NEIL3: variants seen among roughly 807,000 people sequenced by gnomAD.
NEIL3 encodes the protein nei like DNA glycosylase 3.
Under a neutral mutation model 57.5 loss-of-function variants are expected in NEIL3, and 48 were observed. The observed-to-expected ratio is 0.83, with a 90% CI of 0.66 to 1.06. The LOEUF is 1.06. Ranked by LOEUF, NEIL3 falls within the 50% of genes least tolerant of loss-of-function variation. NEIL3 has a pLI of 0.00. For synonymous variants in NEIL3, 261 were observed against 253.2 expected, an observed-to-expected ratio of 1.03 and a Z score of -0.29; for missense variants, 717 against 739.1, an observed-to-expected ratio of 0.97 and a Z score of 0.35.
chr4:177,343,191 G>T (rs1735132556), intron 6 of NEIL3: 1 of 152,142 alleles, frequency 6.6e-6, no homozygotes, highest in African/African-American at 2.4e-5. Flanking sequence ...GGAAAATTGG[G>T]ATGCAGCAGT....
rs1735632517 is a variant in NEIL3 at position 177,362,669 on chromosome 4, CTA to C, written c.*200_*201del. 27 of 456,660 alleles carry C rather than the reference CTA, an allele frequency of 5.9e-5. No individual in the cohort carries two copies. The South Asian group carries it at 1.0e-3, about 17-fold the overall frequency. The allele number at this position is 456,660 out of a possible 1,614,324, so 28.3% of individuals were successfully genotyped here. A position where few individuals can be genotyped will look rare whatever the true frequency, so the allele number is the denominator to read the frequency against. On this transcript the variant is annotated 3_prime_UTR_variant, in exon 10 of 10. Coordinates refer to ENST00000264596, the MANE Select transcript of NEIL3 (RefSeq NM_018248.3). ...CTTTTCTTTTGCCTTGATGAACGTT[CTA>C]TGTATTTCATCGGATATACAGCATA... is the stretch of plus-strand genomic sequence containing the variant.
intron 2 of NEIL3, among the ~76,000 whole-genome samples, chr4:177,329,915 T>A (rs550376960): frequency 6.6e-6 from 1 of 152,272 alleles, no homozygotes; most frequent in East Asian, 1.9e-4. Flanking sequence ...AAAAATCTTT[T>A]TTTTTTTTCT....
chr4:177,362,670 T>G lies in NEIL3; in HGVS notation c.*199T>G. The G allele has an allele frequency of 2.9e-5, 13 of 446,596 alleles. No individual in the cohort carries two copies. The highest frequency in any genetic ancestry group is 3.7e-5 in the East Asian group (1 of 26,838). The allele number at this position is 446,596 out of a possible 1,614,324, so 27.7% of individuals were successfully genotyped here. A position where few individuals can be genotyped will look rare whatever the true frequency, so the allele number is the denominator to read the frequency against. On this transcript the variant is annotated 3_prime_UTR_variant, in exon 10 of 10. Coordinates refer to ENST00000264596, the MANE Select transcript of NEIL3 (RefSeq NM_018248.3). ...TTTTCTTTTGCCTTGATGAACGTTC[T>G]ATGTATTTCATCGGATATACAGCAT...
At chr4:177,365,409 A>G (rs556967856), downstream of NEIL3, among the ~76,000 whole-genome samples, 6 of 152,340 alleles carry the variant, frequency 3.9e-5, no homozygotes, top group African/African-American at 1.4e-4. Flanking sequence ...TTATAGGACA[A>G]TAAAAATTTG....
chr4:177,314,011 G>A (rs779747413), intron 1 of NEIL3, among the ~76,000 whole-genome samples: 9 of 152,122 alleles, frequency 5.9e-5, no homozygotes, highest in African/African-American at 1.4e-4. Context: ...GAAAAAAATC[G>A]TGGCTCATTT....
At chr4:177,352,310 C>A (rs1028599761) in intron 7 of NEIL3, among the ~76,000 whole-genome samples, 1 of 152,228 alleles carries the variant, frequency 6.6e-6, no homozygotes, top group Admixed American at 6.5e-5. Context: ...CTCCTGTTTC[C>A]ATCCCTCCCT....
intron 2 of NEIL3, among the ~76,000 whole-genome samples, chr4:177,323,184 G>T (rs923039199): frequency 2.6e-5 from 4 of 152,144 alleles, no homozygotes; most frequent in African/African-American, 9.7e-5. Context: ...TGTGATGCAT[G>T]ATCACATGTT....
chr4:177,314,699 G>A (rs1734540361), intron 1 of NEIL3, among the ~76,000 whole-genome samples: 1 of 152,080 alleles, frequency 6.6e-6, no homozygotes, highest in Non-Finnish European at 1.5e-5. Context: ...TGGGCCTGAG[G>A]ACCTCTATTT....
At chr4:177,324,950 CAGAT>C (rs56773423) in intron 2 of NEIL3, among the ~76,000 whole-genome samples, 48,475 of 149,318 alleles carry the variant, frequency 0.32, 9,081 homozygotes, top group Middle Eastern at 0.46. Flanking sequence ...ATTTAAAAAA[CAGAT>C]AGATAGATAG....
the NEIL3 span, among the ~76,000 whole-genome samples, chr4:177,369,065 G>A: frequency 4.6e-5 from 7 of 152,170 alleles, no homozygotes; most frequent in Non-Finnish European, 7.3e-5. Context: ...CACCTACTAT[G>A]TGAAAGATTC....
chr4:177,347,108 G>A (rs1735238186), intron 6 of NEIL3, among the ~76,000 whole-genome samples: 2 of 152,154 alleles, frequency 1.3e-5, no homozygotes, highest in Non-Finnish European at 2.9e-5. Flanking sequence ...AGCCACAGTA[G>A]CGGATAGTGA....
At chr4:177,315,380 C>T (rs2111110403) in intron 1 of NEIL3, among the ~76,000 whole-genome samples, 1 of 152,240 alleles carries the variant, frequency 6.6e-6, no homozygotes, top group Admixed American at 6.5e-5. Flanking sequence ...GAACCCTTCT[C>T]AATCATACCT....
Position 177,317,602 on chromosome 4 carries a change from T to C in NEIL3, c.157-4857T>C, listed in dbSNP as rs1033236266. On this transcript the variant is annotated intron_variant, in intron 1 of 9. Transcript: ENST00000264596. ...CACGGTTAGAACTTTCTTTTCTTTT[T>C]TTTTTTTTTTTTTTTTTTTGAGATG... Among the ~76,000 whole-genome samples, 9 of 129,418 alleles carry C rather than the reference T, an allele frequency of 7.0e-5. No individual in the cohort carries two copies. In the South Asian group the frequency reaches 1.8e-3, roughly 25 times the overall value. 84.9% of individuals were successfully genotyped at this position (129,418 alleles called of 152,430 possible).
intron 1 of NEIL3, among the ~76,000 whole-genome samples, chr4:177,314,849 G>A (rs140144891): frequency 0.017 from 2,652 of 152,010 alleles, 80 homozygotes; most frequent in African/African-American, 0.057. Context: ...AGGCTGAGGC[G>A]GGCAGATCAC....
chr4:177,360,947 T>C (rs1735597228), intron 9 of NEIL3, among the ~76,000 whole-genome samples: 1 of 152,228 alleles, frequency 6.6e-6, no homozygotes, highest in South Asian at 2.1e-4. Context: ...CTTGTAAAGT[T>C]AGAAAGACAC....
intron 2 of NEIL3, among the ~76,000 whole-genome samples, chr4:177,328,623 G>A (rs572285637): frequency 1.1e-4 from 17 of 151,794 alleles, no homozygotes; most frequent in African/African-American, 3.6e-4. Flanking sequence ...AGACTTTTTC[G>A]AAAAAAAGAA....
chr4:177,316,164 C>A (rs1734570473), intron 1 of NEIL3, among the ~76,000 whole-genome samples: 2 of 152,056 alleles, frequency 1.3e-5, no homozygotes. Flanking sequence ...AATGTGGTAT[C>A]TCTCTCTCTC....
chr4:177,340,252 C>T lies in NEIL3; in HGVS notation c.702+395C>T, dbSNP rs1367600507. On this transcript the variant is annotated intron_variant, in intron 5 of 9. Transcript: ENST00000264596. ...TGGTTCAATCAAGCTTTGCCACTTA[C>T]TACTATCTGTGTGGTTTAGATTCTT... Among the ~76,000 whole-genome samples the T allele has an allele frequency of 2.6e-5, 4 of 152,276 alleles. No individual in the cohort carries two copies. The South Asian group carries it at 8.3e-4, about 32-fold the overall frequency.
intron 1 of NEIL3, among the ~76,000 whole-genome samples, chr4:177,313,551 G>A (rs1009729815): frequency 6.6e-6 from 1 of 152,160 alleles, no homozygotes; most frequent in Non-Finnish European, 1.5e-5. Context: ...GAATATAAAT[G>A]AACATATCTG....
Sources: gnomAD v4.1 joint callset for allele counts (sites outside exome capture counted in the v4.1 genomes callset) on GRCh38, gnomAD v4.1.1 for gene constraint, MANE v1.5 for transcripts, NCBI Gene and HGNC (gene_info 2026-07-23, HGNC 2026-07-21) for gene names.